MBOAT1: variants seen among roughly 807,000 people sequenced by gnomAD.
MBOAT1 encodes the protein membrane bound glycerophospholipid O-acyltransferase 1, also known as membrane-bound glycerophospholipid O-acyltransferase 1.
MBOAT1 carries 67 observed loss-of-function variants against 64.4 expected under a neutral mutation model. The ratio of observed to expected loss-of-function variants is 1.04; its 90% CI spans 0.85 to 1.27. The LOEUF (loss-of-function observed/expected upper bound fraction) is 1.27, where lower values mean the gene tolerates loss of function less well. Among genes scored for constraint, MBOAT1 ranks in the 50% most tolerant of loss-of-function variants. The probability of loss-of-function intolerance (pLI) is 0.00; values close to 1 mark genes in which losing one functional copy is unlikely to be tolerated. For synonymous variants in MBOAT1, 229 were observed against 218.9 expected (o/e 1.05, Z -0.41); for missense variants, 563 against 604.6 (o/e 0.93, Z 0.72).
chr6:20,110,107 C>T (rs935034173), intron 11 of MBOAT1, among the ~76,000 whole-genome samples: 6 of 151,542 alleles, frequency 4.0e-5, no homozygotes, highest in South Asian at 4.2e-4. Flanking sequence ...GCTGGGGTTT[C>T]GCCATGTTGG....
chr6:20,135,962 G>A (rs1760978635), intron 4 of MBOAT1, among the ~76,000 whole-genome samples: 1 of 152,148 alleles, frequency 6.6e-6, no homozygotes, highest in Non-Finnish European at 1.5e-5. Flanking sequence ...GCTCGGACCT[G>A]GTAGCGAGGG....
At chr6:20,140,074 T>A (rs139239300) in intron 4 of MBOAT1, among the ~76,000 whole-genome samples, 1 of 152,056 alleles carries the variant, frequency 6.6e-6, no homozygotes, top group Non-Finnish European at 1.5e-5. Flanking sequence ...CCAGCCACTA[T>A]CCCCAGGGTC....
intron 8 of MBOAT1, among the ~76,000 whole-genome samples, chr6:20,123,827 C>T (rs928598896): frequency 2.0e-4 from 31 of 152,050 alleles, no homozygotes; most frequent in Admixed American, 7.2e-4. Flanking sequence ...GAGGCCAGGG[C>T]GGGCAGATCA....
intron 8 of MBOAT1, 92 bp from the exon 9 acceptor site, chr6:20,118,632 G>A: frequency 1.0e-6 from 1 of 994,002 alleles, no homozygotes; most frequent in Non-Finnish European, 1.5e-6. Flanking sequence ...CTTCAAGATG[G>A]AGAAATATGC....
At chr6:20,131,268 C>G (rs34263705) in intron 4 of MBOAT1, 69 bp from the exon 5 acceptor site, 323,810 of 1,357,180 alleles carry the variant, frequency 0.24, 42,298 homozygotes, top group East Asian at 0.5. Context: ...TGTGCCCCCA[C>G]CCAAATCTCA....
intron 1 of MBOAT1, among the ~76,000 whole-genome samples, chr6:20,178,580 C>G (rs953108702): frequency 1.3e-5 from 2 of 152,152 alleles, no homozygotes; most frequent in African/African-American, 4.8e-5. Flanking sequence ...TTATCAAACG[C>G]TAATCCCTGG....
chr6:20,167,215 T>C (rs1225824424), intron 1 of MBOAT1, among the ~76,000 whole-genome samples: 1 of 152,220 alleles, frequency 6.6e-6, no homozygotes, highest in Non-Finnish European at 1.5e-5. Context: ...TTTTTTGCTA[T>C]TACAAATAGC....
intron 1 of MBOAT1, among the ~76,000 whole-genome samples, chr6:20,192,542 G>C (rs1762830339): frequency 6.6e-6 from 1 of 152,130 alleles, no homozygotes; most frequent in Non-Finnish European, 1.5e-5. Context: ...CAGAAATAAA[G>C]TCCTACAAGA....
At chr6:20,119,118 G>T (rs1760419127) in intron 8 of MBOAT1, among the ~76,000 whole-genome samples, 1 of 152,092 alleles carries the variant, frequency 6.6e-6, no homozygotes, top group Non-Finnish European at 1.5e-5. Context: ...CCAAGATGGG[G>T]TTAAAAAAAG....
At chr6:20,161,955 G>A (rs1412234649) in intron 1 of MBOAT1, among the ~76,000 whole-genome samples, 2 of 152,124 alleles carry the variant, frequency 1.3e-5, no homozygotes, top group Non-Finnish European at 2.9e-5. Context: ...GATTGAGGGT[G>A]TCGGCAGGGT....
At chr6:20,134,987 A>C (rs58511704) in intron 4 of MBOAT1, among the ~76,000 whole-genome samples, 3,211 of 150,344 alleles carry the variant, frequency 0.021, 112 homozygotes, top group African/African-American at 0.074. Flanking sequence ...CAAAAAAAGG[A>C]GGAGATCCAT....
chr6:20,190,400 G>C (rs1344128603), intron 1 of MBOAT1, among the ~76,000 whole-genome samples: 1 of 152,218 alleles, frequency 6.6e-6, no homozygotes, highest in South Asian at 2.1e-4. Context: ...AGGTGATTGA[G>C]AGAGTCACGG....
intron 1 of MBOAT1, among the ~76,000 whole-genome samples, chr6:20,181,198 G>A (rs923409322): frequency 1.3e-5 from 2 of 152,124 alleles, no homozygotes; most frequent in African/African-American, 4.8e-5. Flanking sequence ...CGACTGTTAT[G>A]GTGACTCCCC....
At chr6:20,140,356 T>G (rs1375488421) in intron 4 of MBOAT1, among the ~76,000 whole-genome samples, 1 of 152,216 alleles carries the variant, frequency 6.6e-6, no homozygotes, top group African/African-American at 2.4e-5. Flanking sequence ...ATGGTCAATT[T>G]TGTGTGTCAA....
At chr6:20,168,502 A>AGGAGAG (rs1396179772) in intron 1 of MBOAT1, among the ~76,000 whole-genome samples, 5 of 92,898 alleles carry the variant, frequency 5.4e-5, no homozygotes, top group East Asian at 2.3e-4. Context: ...AGAGAGAGAG[A>AGGAGAG]GAGAGGAGAG....
intron 1 of MBOAT1, among the ~76,000 whole-genome samples, chr6:20,179,480 C>T (rs1561778225): frequency 6.6e-6 from 1 of 152,192 alleles, no homozygotes; most frequent in East Asian, 1.9e-4. Flanking sequence ...CTGCAAAGGA[C>T]ATGATTTCAT....
intron 3 of MBOAT1, among the ~76,000 whole-genome samples, chr6:20,150,556 T>C (rs1451963117): frequency 6.6e-6 from 1 of 150,464 alleles, no homozygotes; most frequent in African/African-American, 2.5e-5. Context: ...TTTCTTTTTC[T>C]TTTTCCTTTT....
intron 3 of MBOAT1, among the ~76,000 whole-genome samples, chr6:20,147,015 T>C (rs766775127): frequency 3.5e-4 from 53 of 152,200 alleles, no homozygotes; most frequent in Admixed American, 2.9e-3. Flanking sequence ...TTTCCTATGC[T>C]GTTCTCGTGA....
chr6:20,120,825 C>T (rs746305893), intron 8 of MBOAT1, among the ~76,000 whole-genome samples: 35 of 152,172 alleles, frequency 2.3e-4, no homozygotes, highest in Non-Finnish European at 4.0e-4. Flanking sequence ...GAGCCGATAT[C>T]GGAATCCCCA....
Sources: allele counts gnomAD v4.1 joint callset (sites outside exome capture counted in the v4.1 genomes callset), GRCh38; gene constraint gnomAD v4.1.1; transcripts MANE v1.5; gene names NCBI Gene and HGNC (gene_info 2026-07-23, HGNC 2026-07-21).